The following MMEL1 variants were observed in gnomAD, a reference collection of about 807,000 sequenced individuals.
MMEL1 encodes membrane metalloendopeptidase like 1.
A neutral mutation model predicts 117.1 loss-of-function variants in MMEL1; 98 were observed. That is an observed-to-expected ratio of 0.84 (90% confidence interval 0.71 to 0.99). The LOEUF is 0.99. Among genes scored for constraint, MMEL1 ranks in the 50% least tolerant of loss-of-function variants. MMEL1 has a pLI of 0.00. For synonymous variants in MMEL1, 390 were observed against 415.1 expected, an observed-to-expected ratio of 0.94 and a Z score of 0.74; for missense variants, 1,014 against 1,049.1, an observed-to-expected ratio of 0.97 and a Z score of 0.46.
intron 1 of MMEL1, 95 bp from the exon 2 acceptor site, chr1:2,629,616 G>A (rs1638450755): frequency 8.7e-7 from 1 of 1,145,558 alleles, no homozygotes; most frequent in Non-Finnish European, 1.2e-6. Context: ...GGGAGCGGGC[G>A]CTGGGTGCCT....
intron 11 of MMEL1, among the ~76,000 whole-genome samples, chr1:2,601,229 G>A (rs1644926897): frequency 6.6e-6 from 1 of 152,174 alleles, no homozygotes; most frequent in Non-Finnish European, 1.5e-5. Flanking sequence ...GAGTGATGGT[G>A]GTAGGGGTTA....
chr1:2,599,908 A>G (rs1270919281), intron 11 of MMEL1, among the ~76,000 whole-genome samples: 1 of 152,092 alleles, frequency 6.6e-6, no homozygotes, highest in African/African-American at 2.4e-5. Flanking sequence ...CTATAACCTG[A>G]TAAAGGAAAT....
Position 2,590,937 on chromosome 1 carries a change from G to C in MMEL1, c.*53C>G. ...TCGCCGCTAGCTGCACCTTCGCACA[G>C]ATGCCTCCGAGCAGCGGGTGGGCGT... On this transcript the variant is annotated 3_prime_UTR_variant, in exon 24 of 24. Transcript: ENST00000378412. The C allele has an allele frequency of 1.5e-6, 2 of 1,366,602 alleles. No individual in the cohort carries two copies. Among genetic ancestry groups the C allele is most frequent in the Non-Finnish European group, 1.9e-6 (2 of 1,035,874 alleles). 84.7% of individuals were successfully genotyped at this position (1,366,602 alleles called of 1,614,324 possible).
At position 2,611,306 on chromosome 1, in the gene MMEL1, G is replaced by A; in HGVS notation, c.267C>T (p.Cys89=). Residue 89 remains cysteine (C), a synonymous_variant, in exon 4 of 24, where the codon TGC becomes TGT. Transcript: ENST00000378412. The stretch of plus-strand genomic sequence containing the variant: ...CTGCTATCACGCAGCCAGGGGTGGT[G>A]CAGACCTCGCTCACCTCTTGGGCCT... ...IPEAQEVSEV[C]TTPGCVIAAA... is the part of the protein sequence containing the mutation. 3.8e-6 allele frequency: 6 copies of A among 1,572,192 alleles called. No individual in the cohort carries two copies. Among genetic ancestry groups the A allele is most frequent in the Non-Finnish European group, 5.2e-6 (6 of 1,161,180 alleles).
Position 2,591,624 on chromosome 1 carries a change from C to T in MMEL1, c.2173G>A (p.Gly725Arg), listed in dbSNP as rs750186428. ...ATGGCGAACTCGGGCCGGTAGGACCCGCACCACACCTGTGGGCATGTTGGG... is the reference window on the plus strand; with the variant it reads ...ATGGCGAACTCGGGCCGGTAGGACCTGCACCACACCTGTGGGCATGTTGGG... ...FFINYAQVWCGSYRPEFAIQS... is the reference protein window; with the variant it reads ...FFINYAQVWCRSYRPEFAIQS... The change falls in exon 23 of 24, where the codon GGG (glycine) becomes AGG (arginine). Residue 725 changes from glycine (G) to arginine (R), a missense_variant. Coordinates refer to ENST00000378412, the MANE Select transcript of MMEL1 (RefSeq NM_033467.4). 49 of 1,612,432 alleles carry T rather than the reference C, an allele frequency of 3.0e-5. No individual in the cohort carries two copies. Among genetic ancestry groups the T allele is most frequent in the Non-Finnish European group, 3.8e-5 (45 of 1,179,752 alleles).
rs748273089 is a variant in MMEL1, at chr1:2,629,379, CCAGCAGCAG to C, written c.97_105del (p.Leu33_Leu35del). 6.5e-7 allele frequency: 1 copy of C among 1,536,236 alleles called. No homozygotes were observed. Among genetic ancestry groups the C allele is most frequent in the Admixed American group, 2.0e-5 (1 of 50,452 alleles). Reference sequence around the variant, plus strand: ...CCCAAGGCCACCAGGGCAGCGGTCACCAGCAGCAGCAGCAGCAGCAGCCCCCCCTCCAGG... The same window carrying C: ...CCCAAGGCCACCAGGGCAGCGGTCACCAGCAGCAGCAGCCCCCCCTCCAGG... On this transcript the variant is annotated inframe_deletion, in exon 2 of 24. Coordinates refer to ENST00000378412, the MANE Select transcript of MMEL1 (RefSeq NM_033467.4).
At chr1:2,616,685 G>A (rs1188112143) in intron 2 of MMEL1, among the ~76,000 whole-genome samples, 1 of 152,240 alleles carries the variant, frequency 6.6e-6, no homozygotes, top group African/African-American at 2.4e-5. Flanking sequence ...ATGAGCCTGA[G>A]AAAGGGTAAA....
intron 4 of MMEL1, 86 bp downstream of exon 4, chr1:2,611,194 CT>C: frequency 7.3e-7 from 1 of 1,370,164 alleles, no homozygotes; most frequent in Non-Finnish European, 1.0e-6. Context: ...AGTTGCTTCC[CT>C]GGGCCTTGGG....
Position 2,605,629 on chromosome 1 carries a change from A to G in MMEL1, c.751-6T>C. On this transcript the variant is annotated splice_region_variant and splice_polypyrimidine_tract_variant and intron_variant, in intron 8 of 23. Coordinates refer to ENST00000378412, the MANE Select transcript of MMEL1 (RefSeq NM_033467.4). ...CCCAAGGTGGGCTGGTCTATCTGGA[A>G]ATACAGAAGGTGTGACCCTGGGCAA... The G allele has an allele frequency of 6.2e-7, 1 of 1,611,918 alleles. No individual in the cohort carries two copies. Among genetic ancestry groups the G allele is most frequent in the Non-Finnish European group, 8.5e-7 (1 of 1,178,742 alleles).
chr1:2,632,856 C>T lies in MMEL1; in HGVS notation c.-38+10G>A, dbSNP rs1036486923. 1.0e-6 allele frequency: 1 copy of T among 985,630 alleles called. No homozygotes were observed. Among genetic ancestry groups the T allele is most frequent in the Non-Finnish European group, 1.2e-6 (1 of 830,000 alleles). The allele number at this position is 985,630 out of a possible 1,614,324, so 61.1% of individuals were successfully genotyped here. On this transcript the variant is annotated intron_variant, in intron 1 of 23. Coordinates refer to ENST00000378412, the MANE Select transcript of MMEL1 (RefSeq NM_033467.4). ...AAGCAGGCCGGGTACCTTCCTTCAGCACAACTCACCTTTGCTCACTCAGGA... is the reference window on the plus strand; with the variant it reads ...AAGCAGGCCGGGTACCTTCCTTCAGTACAACTCACCTTTGCTCACTCAGGA...
intron 17 of MMEL1, 41 bp downstream of exon 17, chr1:2,594,749 C>A (rs1288555884): frequency 5.8e-6 from 9 of 1,548,878 alleles, no homozygotes; most frequent in Non-Finnish European, 8.0e-6. Context: ...TGGCCACTCC[C>A]TGGCCCCCCC....
chr1:2,598,424 C>T, intron 12 of MMEL1, 124 bp from the exon 13 acceptor site: 1 of 1,212,572 alleles, frequency 8.2e-7, no homozygotes, highest in Non-Finnish European at 1.2e-6. Flanking sequence ...TGGAGAAAAC[C>T]TCCAGGACAA....
chr1:2,595,451 G>T lies in MMEL1; in HGVS notation c.1501-92C>A. On this transcript the variant is annotated intron_variant, in intron 15 of 23. Transcript: ENST00000378412. The surrounding 1 kb of genome is among the most constrained non-coding windows in gnomAD (Gnocchi z 4.8). ...CAGTGAGTGCCACACTGTGGGAGGG[G>T]TCAGCCCGGGGCATCCTGGCTGTGC... is the stretch of plus-strand genomic sequence containing the variant. The T allele has an allele frequency of 9.1e-7, 1 of 1,097,758 alleles. No homozygotes were observed. Among genetic ancestry groups the T allele is most frequent in the African/African-American group, 1.5e-5 (1 of 65,076 alleles). The allele number at this position is 1,097,758 out of a possible 1,614,324, so 68.0% of individuals were successfully genotyped here.
chr1:2,590,945 C>G lies in MMEL1; in HGVS notation c.*45G>C, dbSNP rs61729818. The G allele has an allele frequency of 3.5e-6, 5 of 1,410,884 alleles. No homozygotes were observed. The highest frequency in any genetic ancestry group is 1.5e-5 in the South Asian group (1 of 64,950). The allele number at this position is 1,410,884 out of a possible 1,614,324, so 87.4% of individuals were successfully genotyped here. ...AGCTGCACCTTCGCACAGATGCCTC[C>G]GAGCAGCGGGTGGGCGTGGGCCGCA... On this transcript the variant is annotated 3_prime_UTR_variant, in exon 24 of 24. Coordinates refer to ENST00000378412, the MANE Select transcript of MMEL1 (RefSeq NM_033467.4).
At chr1:2,591,472 T>G in intron 23 of MMEL1, 85 bp downstream of exon 23, 1 of 1,134,048 alleles carries the variant, frequency 8.8e-7, no homozygotes, top group Non-Finnish European at 1.3e-6. Flanking sequence ...TGAGCCACTT[T>G]TTGTGCTTTC....
rs762569262 is a variant in MMEL1 at position 2,596,116 on chromosome 1, C to T, written c.1402-9G>A. The T allele has an allele frequency of 1.1e-5, 18 of 1,611,598 alleles. No individual in the cohort carries two copies. The Admixed American group carries it at 1.3e-4, about 12-fold the overall frequency. ...TCAATGAGTTCTCTGACCTGGGAAT[C>T]GGGCATGGCCCTCGTGTCCCAGACT... On this transcript the variant is annotated splice_polypyrimidine_tract_variant and intron_variant, in intron 14 of 23. Transcript: ENST00000378412.
chr1:2,594,066 A>C, intron 18 of MMEL1, 133 bp from the exon 19 acceptor site: 1 of 1,231,814 alleles, frequency 8.1e-7, no homozygotes, highest in Non-Finnish European at 1.1e-6. Flanking sequence ...GGATTCCCTC[A>C]ATTTACAGAT....
At chr1:2,614,265 T>G (rs1320153425) in intron 2 of MMEL1, among the ~76,000 whole-genome samples, 1 of 152,172 alleles carries the variant, frequency 6.6e-6, no homozygotes, top group Non-Finnish European at 1.5e-5. Context: ...CTGAAATGGA[T>G]AGGGGAATAA....
chr1:2,603,433 G>T (rs530065614), intron 11 of MMEL1, among the ~76,000 whole-genome samples: 1 of 152,294 alleles, frequency 6.6e-6, no homozygotes, highest in Non-Finnish European at 1.5e-5. Flanking sequence ...TGCCTGGCCT[G>T]GGCACTGGGC....
Sources: allele counts gnomAD v4.1 joint callset (sites outside exome capture counted in the v4.1 genomes callset), GRCh38; gene constraint gnomAD v4.1.1; non-coding constraint Gnocchi (gnomAD v3.1); transcripts MANE v1.5; gene names NCBI Gene and HGNC (gene_info 2026-07-23, HGNC 2026-07-21).